Variants in POU6F2 observed in about 807,000 individuals in gnomAD.
POU6F2 encodes POU class 6 homeobox 2.
In POU6F2, 31 loss-of-function variants were observed where a neutral mutation model predicts 71.3. The observed-to-expected ratio is 0.43, with a 90% confidence interval of 0.33 to 0.59. The LOEUF (loss-of-function observed/expected upper bound fraction) is 0.59, where lower values mean the gene tolerates loss of function less well. POU6F2 is among the 20% of genes least tolerant of loss of function. POU6F2 has a pLI of 0.04. For missense variants in POU6F2, 783 were observed against 856.8 expected (o/e 0.91, Z 1.07); for synonymous variants, 347 against 355.7 (o/e 0.98, Z 0.27).
At chr7:39,386,361 G>T (rs1248965683) in intron 5 of POU6F2, among the ~76,000 whole-genome samples, 1 of 152,154 alleles carries the variant, frequency 6.6e-6, no homozygotes, top group African/African-American at 2.4e-5. Flanking sequence ...CTCTATCTAG[G>T]TGACAGGGTG....
chr7:39,421,572 A>G (rs891393765), intron 6 of POU6F2, among the ~76,000 whole-genome samples: 2 of 152,180 alleles, frequency 1.3e-5, no homozygotes, highest in African/African-American at 4.8e-5. Context: ...GCACAAAGGG[A>G]TGCTAAATTT....
At chr7:39,155,049 C>G (rs1311254784) in intron 2 of POU6F2, among the ~76,000 whole-genome samples, 1 of 152,058 alleles carries the variant, frequency 6.6e-6, no homozygotes, top group East Asian at 1.9e-4. Context: ...CATAAAAGAA[C>G]CACACCTGAA....
At chr7:39,248,673 T>C (rs1372030531) in intron 4 of POU6F2, among the ~76,000 whole-genome samples, 4 of 152,212 alleles carry the variant, frequency 2.6e-5, no homozygotes, top group Non-Finnish European at 5.9e-5. Context: ...AGAATAACCA[T>C]TGTGCTTCCA....
chr7:39,164,824 C>A (rs1431203874), intron 2 of POU6F2, among the ~76,000 whole-genome samples: 1 of 152,096 alleles, frequency 6.6e-6, no homozygotes, highest in East Asian at 1.9e-4. Context: ...AAAGTTATTT[C>A]TTTACGGCAG....
At chr7:39,379,460 A>C (rs1583561770) in intron 5 of POU6F2, among the ~76,000 whole-genome samples, 1 of 152,098 alleles carries the variant, frequency 6.6e-6, no homozygotes, top group East Asian at 1.9e-4. Flanking sequence ...TTCACCCTGC[A>C]CCCACCTGCC....
chr7:39,032,123 C>T (rs564812808), intron 1 of POU6F2, among the ~76,000 whole-genome samples: 66 of 152,112 alleles, frequency 4.3e-4, no homozygotes, highest in Non-Finnish European at 5.9e-4. Flanking sequence ...TCATTTGATA[C>T]GACATAGACT....
At chr7:39,243,807 T>C (rs915138393) in intron 4 of POU6F2, among the ~76,000 whole-genome samples, 1 of 152,126 alleles carries the variant, frequency 6.6e-6, no homozygotes, top group Non-Finnish European at 1.5e-5. Context: ...ATCTGATTTG[T>C]CTCTTGGTCA....
intron 5 of POU6F2, among the ~76,000 whole-genome samples, chr7:39,352,365 C>T (rs2115675222): frequency 6.6e-6 from 1 of 152,298 alleles, no homozygotes; most frequent in East Asian, 1.9e-4. Flanking sequence ...AATCACAGTG[C>T]ATTTGAGATT....
intron 5 of POU6F2, among the ~76,000 whole-genome samples, chr7:39,367,588 C>A (rs1038434594): frequency 1.3e-5 from 2 of 152,180 alleles, no homozygotes. Flanking sequence ...TAATAAAAAT[C>A]TTCTATTTGT....
chr7:39,296,556 C>G (rs1784848043), intron 4 of POU6F2, among the ~76,000 whole-genome samples: 1 of 152,174 alleles, frequency 6.6e-6, no homozygotes, highest in Admixed American at 6.5e-5. Context: ...TCCCTAAACA[C>G]AGCCTCAAGG....
At chr7:39,312,847 C>A (rs1785192394) in intron 4 of POU6F2, among the ~76,000 whole-genome samples, 3 of 152,218 alleles carry the variant, frequency 2.0e-5, no homozygotes, top group Admixed American at 2.0e-4. Flanking sequence ...GCTTCACTTC[C>A]CGCAGGGGAC....
intron 2 of POU6F2, among the ~76,000 whole-genome samples, chr7:39,155,909 A>C (rs1426525363): frequency 6.6e-6 from 1 of 152,200 alleles, no homozygotes; most frequent in East Asian, 1.9e-4. Context: ...AAACAATGTA[A>C]TAGTACCTAT....
chr7:39,057,294 A>T (rs1466878680), intron 1 of POU6F2, among the ~76,000 whole-genome samples: 1 of 152,218 alleles, frequency 6.6e-6, no homozygotes, highest in Non-Finnish European at 1.5e-5. Flanking sequence ...TAAACCAAAT[A>T]TAACAATTTT....
At chr7:39,258,624 T>C (rs1784070473) in intron 4 of POU6F2, among the ~76,000 whole-genome samples, 1 of 152,100 alleles carries the variant, frequency 6.6e-6, no homozygotes, top group Non-Finnish European at 1.5e-5. Flanking sequence ...ATAGCTTTTT[T>C]GACATTTCAG....
intron 2 of POU6F2, among the ~76,000 whole-genome samples, chr7:39,152,007 G>A (rs555251544): frequency 2.3e-4 from 35 of 152,280 alleles, no homozygotes; most frequent in African/African-American, 8.2e-4. Context: ...GAGGGCTCAC[G>A]ATAGAGAAAA....
chr7:39,000,368 C>A (rs1229013), intron 1 of POU6F2, among the ~76,000 whole-genome samples: 1 of 152,044 alleles, frequency 6.6e-6, no homozygotes, highest in East Asian at 1.9e-4. Flanking sequence ...TTACTTCTAG[C>A]GATCACTTGG....
intron 1 of POU6F2, among the ~76,000 whole-genome samples, chr7:38,991,044 G>A (rs1281404549): frequency 6.6e-6 from 1 of 152,002 alleles, no homozygotes; most frequent in East Asian, 1.9e-4. Flanking sequence ...GAGATTTGAA[G>A]GAAATATTGA....
intron 7 of POU6F2, among the ~76,000 whole-genome samples, chr7:39,439,712 A>G (rs2116063068): frequency 6.6e-6 from 1 of 152,116 alleles, no homozygotes; most frequent in South Asian, 2.1e-4. Flanking sequence ...CTGCTCTCAA[A>G]CCCTGACCTT....
intron 4 of POU6F2, among the ~76,000 whole-genome samples, chr7:39,248,542 A>T (rs1783860014): frequency 6.6e-6 from 1 of 152,152 alleles, no homozygotes; most frequent in Non-Finnish European, 1.5e-5. Flanking sequence ...TCCTTTCTGC[A>T]TTGAATTCTT....
Sources: gnomAD v4.1 joint callset for allele counts (sites outside exome capture counted in the v4.1 genomes callset) on GRCh38, gnomAD v4.1.1 for gene constraint, MANE v1.5 for transcripts, NCBI Gene and HGNC (gene_info 2026-07-23, HGNC 2026-07-21) for gene names.